The following CHL1 variants were observed in gnomAD, a reference collection of about 807,000 sequenced individuals.
The protein encoded by CHL1 is cell adhesion molecule L1 like.
In CHL1, 96 loss-of-function variants were observed where a neutral mutation model predicts 141.9. The ratio of observed to expected loss-of-function variants is 0.68; its 90% CI spans 0.57 to 0.80. The LOEUF (loss-of-function observed/expected upper bound fraction) is 0.80. Ranked by LOEUF, CHL1 falls within the 30% of genes least tolerant of loss-of-function variation. CHL1 has a pLI of 0.00. For synonymous variants in CHL1, 613 were observed against 502.2 expected (o/e 1.22, Z -2.95); for missense variants, 1,820 against 1,457.2 (o/e 1.25, Z -4.05).
At chr3:391,248 C>A in intron 22 of CHL1, 89 bp downstream of exon 22, 1 of 1,050,772 alleles carries the variant, frequency 9.5e-7, no homozygotes, top group Non-Finnish European at 1.4e-6. Context: ...GGCACAGTGG[C>A]TCATGCCTGT....
Position 226,019 on chromosome 3 carries a change from A to C in CHL1, c.-174-18594A>C, listed in dbSNP as rs1485445834. On this transcript the variant is annotated intron_variant, in intron 1 of 27. Transcript: ENST00000256509. ...ATGAGACTCTGTCTAAAAAAAAGAG[A>C]CACGTTAATCTTAACTTTTTTTGAG... Among the ~76,000 whole-genome samples, 5 of 129,770 alleles carry C rather than the reference A, an allele frequency of 3.9e-5. No homozygotes were observed. The South Asian group carries it at 7.9e-4, about 21-fold the overall frequency. 85.1% of individuals were successfully genotyped at this position (129,770 alleles called of 152,430 possible). A position where few individuals can be genotyped will look rare whatever the true frequency, so the allele number is the denominator to read the frequency against.
At chr3:375,124 C>CA (rs1706152669) in intron 15 of CHL1, among the ~76,000 whole-genome samples, 1 of 152,106 alleles carries the variant, frequency 6.6e-6, no homozygotes, top group Non-Finnish European at 1.5e-5. Context: ...AATGCCCCCC[C>CA]AGGAATTTTC....
chr3:366,647 A>G (rs1704929864), intron 15 of CHL1, among the ~76,000 whole-genome samples: 1 of 151,312 alleles, frequency 6.6e-6, no homozygotes, highest in Non-Finnish European at 1.5e-5. Flanking sequence ...AACCACTCTA[A>G]GTAACCGAGG....
At chr3:241,456 T>G (rs1692550899) in intron 1 of CHL1, among the ~76,000 whole-genome samples, 1 of 152,234 alleles carries the variant, frequency 6.6e-6, no homozygotes, top group Admixed American at 6.5e-5. Flanking sequence ...TGACTTCCGC[T>G]GATCCGCAGC....
chr3:354,851 T>G (rs568464238), intron 11 of CHL1, 80 bp downstream of exon 11: 1 of 1,548,162 alleles, frequency 6.5e-7, no homozygotes, highest in Admixed American at 1.9e-5. Flanking sequence ...GTGTGTAAAA[T>G]GAAGTTGGTA....
chr3:345,525 C>G (rs919537826), intron 9 of CHL1, among the ~76,000 whole-genome samples: 9 of 150,824 alleles, frequency 6.0e-5, no homozygotes, highest in Non-Finnish European at 1.0e-4. Context: ...ACTCTGTCAC[C>G]CATGCTGGAG....
chr3:327,041 T>A (rs1374193116), intron 4 of CHL1, among the ~76,000 whole-genome samples: 6 of 151,924 alleles, frequency 3.9e-5, no homozygotes, highest in African/African-American at 1.4e-4. Flanking sequence ...ATCAATATCA[T>A]GATATATTAA....
chr3:209,043 T>C (rs895538937), intron 1 of CHL1, among the ~76,000 whole-genome samples: 1 of 152,204 alleles, frequency 6.6e-6, no homozygotes, highest in African/African-American at 2.4e-5. Context: ...TAATGAGATG[T>C]CTCAGCTTTC....
chr3:405,213 C>G (rs369632542), intron 27 of CHL1, among the ~76,000 whole-genome samples: 1 of 152,238 alleles, frequency 6.6e-6, no homozygotes, highest in East Asian at 1.9e-4. Flanking sequence ...CCCACATGTC[C>G]TACAGAAGCT....
chr3:391,051 G>T lies in CHL1; in HGVS notation c.2683G>T (p.Val895Phe). The T allele has an allele frequency of 1.9e-6, 3 of 1,613,792 alleles. No homozygotes were observed. Among genetic ancestry groups the T allele is most frequent in the Non-Finnish European group, 2.5e-6 (3 of 1,179,666 alleles). Residue 895 changes from valine to phenylalanine, a missense_variant, in exon 22 of 28, where the codon GTT (valine) becomes TTT (phenylalanine). Val to Phe is a conservative substitution (Grantham distance 50). Transcript: ENST00000256509. Reference sequence around the variant, plus strand: ...TTCAGGACAAAGAAACTCTGGAATGGTTCCTTCCTTAGATGCCTTTAGTGA... The same window carrying T: ...TTCAGGACAAAGAAACTCTGGAATGTTTCCTTCCTTAGATGCCTTTAGTGA... Reference protein sequence around the residue: ...RFSGQRNSGMVPSLDAFSEFH... With the variant: ...RFSGQRNSGMFPSLDAFSEFH...
intron 1 of CHL1, among the ~76,000 whole-genome samples, chr3:224,047 C>A (rs1449993817): frequency 6.6e-6 from 1 of 152,130 alleles, no homozygotes; most frequent in Non-Finnish European, 1.5e-5. Flanking sequence ...GGGAAGGTTA[C>A]AAATCTTGTA....
At chr3:314,850 C>T (rs1047137670) in intron 2 of CHL1, among the ~76,000 whole-genome samples, 3 of 152,064 alleles carry the variant, frequency 2.0e-5, no homozygotes, top group African/African-American at 7.2e-5. Context: ...GAAATAGCTT[C>T]TTAGGAGGAG....
At chr3:311,331 A>C (rs942216139) in intron 2 of CHL1, among the ~76,000 whole-genome samples, 1 of 151,348 alleles carries the variant, frequency 6.6e-6, no homozygotes, top group Non-Finnish European at 1.5e-5. Context: ...ATAGTAATGC[A>C]TATACTATAT....
At chr3:389,545 A>G in intron 20 of CHL1, 71 bp downstream of exon 20, 2 of 1,224,954 alleles carry the variant, frequency 1.6e-6, no homozygotes, top group Non-Finnish European at 2.4e-6. Context: ...ACTTCAATCA[A>G]CAAATATTTG....
At position 406,963 on chromosome 3, in the gene CHL1, C is replaced by T. The variant is rs1011439842; in HGVS notation, c.*1252C>T. The T allele has an allele frequency of 8.5e-5, 13 of 152,200 alleles. No homozygotes were observed. The highest frequency in any genetic ancestry group is 2.6e-4 in the African/African-American group (11 of 41,532). 9.4% of individuals were successfully genotyped at this position (152,200 alleles called of 1,614,324 possible). On this transcript the variant is annotated 3_prime_UTR_variant, in exon 28 of 28. Transcript: ENST00000256509. Reference sequence around the variant, plus strand: ...ATAGAAATTCCTACACATACGTTTGCGTATATGTTATTTTAAACATCTTTG... The same window carrying T: ...ATAGAAATTCCTACACATACGTTTGTGTATATGTTATTTTAAACATCTTTG...
At chr3:260,860 AT>A (rs1332878241) in intron 2 of CHL1, among the ~76,000 whole-genome samples, 1 of 152,296 alleles carries the variant, frequency 6.6e-6, no homozygotes, top group South Asian at 2.1e-4. Context: ...AAATGAGATT[AT>A]TTTTTCTCAG....
At chr3:255,553 G>A (rs1033298379) in intron 2 of CHL1, among the ~76,000 whole-genome samples, 2 of 152,070 alleles carry the variant, frequency 1.3e-5, no homozygotes, top group African/African-American at 4.8e-5. Flanking sequence ...CTGTATGTGT[G>A]GGAAAAAGTC....
At chr3:334,549 T>G (rs750803792) in intron 5 of CHL1, among the ~76,000 whole-genome samples, 1 of 152,248 alleles carries the variant, frequency 6.6e-6, no homozygotes, top group Non-Finnish European at 1.5e-5. Flanking sequence ...GTCTTTTTCA[T>G]ATGTCTTCTT....
intron 25 of CHL1, 27 bp from the exon 26 acceptor site, chr3:398,990 A>G (rs1708900242): frequency 1.2e-6 from 2 of 1,608,406 alleles, no homozygotes; most frequent in South Asian, 1.1e-5. Context: ...CTAGTTTACA[A>G]TGCTGTGACT....
Sources: allele counts gnomAD v4.1 joint callset (sites outside exome capture counted in the v4.1 genomes callset), GRCh38; gene constraint gnomAD v4.1.1; transcripts MANE v1.5; gene names NCBI Gene and HGNC (gene_info 2026-07-23, HGNC 2026-07-21).